Variants in SGCZ observed in about 807,000 individuals in gnomAD.
The protein encoded by SGCZ is sarcoglycan zeta, also known as zeta-sarcoglycan.
Under a neutral mutation model 41.3 loss-of-function variants are expected in SGCZ, and 40 were observed. That is an observed-to-expected ratio of 0.97 (90% CI 0.75 to 1.26). The LOEUF is 1.26. SGCZ is among the 50% of genes most tolerant of loss of function. The pLI, the probability that SGCZ is intolerant of heterozygous loss-of-function variation, is 0.00. For missense variants in SGCZ, 552 were observed against 369.8 expected (o/e 1.49, Z -4.04); for synonymous variants, 206 against 137.5 (o/e 1.50, Z -3.49).
At chr8:14,901,441 G>A (rs1009506921) in intron 1 of SGCZ, among the ~76,000 whole-genome samples, 4 of 152,118 alleles carry the variant, frequency 2.6e-5, no homozygotes, top group South Asian at 2.1e-4. Context: ...AGAATAAAAC[G>A]TAGGCGTATA....
intron 3 of SGCZ, among the ~76,000 whole-genome samples, chr8:14,263,726 G>C (rs1029662538): frequency 2.0e-5 from 3 of 152,004 alleles, no homozygotes; most frequent in African/African-American, 7.3e-5. Flanking sequence ...TAAAATACCA[G>C]GTGAGAGGTC....
intron 2 of SGCZ, among the ~76,000 whole-genome samples, chr8:14,331,453 C>T (rs531229292): frequency 6.3e-4 from 96 of 152,052 alleles, no homozygotes; most frequent in African/African-American, 1.9e-3. Context: ...AAGTTGATGG[C>T]CTGCTTTATA....
At chr8:15,105,331 G>T (rs923528822) in intron 1 of SGCZ, among the ~76,000 whole-genome samples, 13 of 152,080 alleles carry the variant, frequency 8.5e-5, no homozygotes, top group Non-Finnish European at 1.6e-4. Context: ...CCCTCACACT[G>T]CTGTAAAGAA....
chr8:14,810,656 CAA>C (rs1309874245), intron 1 of SGCZ, among the ~76,000 whole-genome samples: 2 of 151,960 alleles, frequency 1.3e-5, no homozygotes, highest in African/African-American at 4.8e-5. Flanking sequence ...CTACAATCAG[CAA>C]GAGAGAGCTA....
intron 1 of SGCZ, among the ~76,000 whole-genome samples, chr8:14,702,858 TAGATA>T (rs1474022442): frequency 1.4e-5 from 2 of 147,316 alleles, no homozygotes; most frequent in Admixed American, 6.8e-5. Context: ...GATAGATAGA[TAGATA>T]GATAGATAGA....
At chr8:14,912,698 G>C (rs1260545519) in intron 1 of SGCZ, among the ~76,000 whole-genome samples, 1 of 152,066 alleles carries the variant, frequency 6.6e-6, no homozygotes, top group Non-Finnish European at 1.5e-5. Context: ...AAATGTCAAA[G>C]ATGATGGCAT....
intron 3 of SGCZ, among the ~76,000 whole-genome samples, chr8:14,254,857 T>G (rs978942447): frequency 3.3e-5 from 5 of 152,298 alleles, no homozygotes; most frequent in African/African-American, 1.2e-4. Flanking sequence ...CTGTATTCAT[T>G]TATATTCACA....
At chr8:15,153,306 A>G (rs1332065985) in intron 1 of SGCZ, among the ~76,000 whole-genome samples, 2 of 152,222 alleles carry the variant, frequency 1.3e-5, no homozygotes, top group Non-Finnish European at 2.9e-5. Flanking sequence ...AATGCATGAT[A>G]TGCCTAACAT....
chr8:14,974,130 C>T (rs1432389133), intron 1 of SGCZ, among the ~76,000 whole-genome samples: 2 of 152,052 alleles, frequency 1.3e-5, no homozygotes, highest in African/African-American at 2.4e-5. Flanking sequence ...TTTGAAACTG[C>T]CTATAATTGT....
At chr8:14,250,474 A>G (rs944719893) in intron 3 of SGCZ, among the ~76,000 whole-genome samples, 19 of 152,150 alleles carry the variant, frequency 1.2e-4, no homozygotes, top group African/African-American at 4.6e-4. Flanking sequence ...AATCAGCAGA[A>G]TGTGGGCAGA....
intron 2 of SGCZ, among the ~76,000 whole-genome samples, chr8:14,524,604 C>G (rs1293225911): frequency 2.0e-5 from 3 of 152,040 alleles, no homozygotes. Context: ...ACAATGATAC[C>G]TTTGAATTAC....
rs193044777 is a variant in SGCZ at position 14,699,878 on chromosome 8, G to C, written c.40-144952C>G. 1.2e-3 allele frequency among the ~76,000 whole-genome samples: 176 copies of C among 152,110 alleles called. 2 individuals are homozygous for C. Among genetic ancestry groups the C allele is most frequent in the African/African-American group, 4.0e-3 (165 of 41,518 alleles). On this transcript the variant is annotated intron_variant, in intron 1 of 7. Coordinates refer to ENST00000382080, the MANE Select transcript of SGCZ (RefSeq NM_139167.4). The stretch of plus-strand genomic sequence containing the variant: ...ATGCTCAACACCACTAATCATTAGA[G>C]AAATGCAAATCAAAACTACAGTGAG...
chr8:14,106,558 C>G (rs1435085808), intron 6 of SGCZ, among the ~76,000 whole-genome samples: 4 of 152,128 alleles, frequency 2.6e-5, no homozygotes, highest in Non-Finnish European at 5.9e-5. Context: ...AGGACTCTGA[C>G]TAAAAAATTT....
chr8:14,602,107 G>GA (rs761568481), intron 1 of SGCZ, among the ~76,000 whole-genome samples: 1 of 151,972 alleles, frequency 6.6e-6, no homozygotes, highest in Non-Finnish European at 1.5e-5. Flanking sequence ...GCGACAGAGC[G>GA]AGTCTCCGTC....
intron 2 of SGCZ, among the ~76,000 whole-genome samples, chr8:14,456,195 G>T (rs2116938530): frequency 6.6e-6 from 1 of 152,238 alleles, no homozygotes; most frequent in East Asian, 1.9e-4. Flanking sequence ...AATCACCTGA[G>T]GTCAGGAGTT....
intron 1 of SGCZ, among the ~76,000 whole-genome samples, chr8:14,767,813 C>T (rs1476357807): frequency 6.6e-6 from 1 of 152,192 alleles, no homozygotes; most frequent in African/African-American, 2.4e-5. Context: ...CCACTAAAGA[C>T]TTCTTAAGGG....
intron 2 of SGCZ, among the ~76,000 whole-genome samples, chr8:14,372,832 G>A (rs111869330): frequency 0.02 from 3,037 of 152,172 alleles, 83 homozygotes; most frequent in African/African-American, 0.056. Context: ...GACCCGTGAG[G>A]TGATGAGACG....
At chr8:15,022,898 C>G (rs139865081) in intron 1 of SGCZ, among the ~76,000 whole-genome samples, 1 of 152,152 alleles carries the variant, frequency 6.6e-6, no homozygotes, top group African/African-American at 2.4e-5. Flanking sequence ...GTTTAAGTAA[C>G]GTACGTTTCA....
chr8:14,792,137 G>A (rs944844057), intron 1 of SGCZ, among the ~76,000 whole-genome samples: 2 of 152,106 alleles, frequency 1.3e-5, no homozygotes, highest in African/African-American at 4.8e-5. Context: ...TAGCAACAAT[G>A]CATAGAAAGG....
Sources: allele counts gnomAD v4.1 joint callset (sites outside exome capture counted in the v4.1 genomes callset), GRCh38; gene constraint gnomAD v4.1.1; transcripts MANE v1.5; gene names NCBI Gene and HGNC (gene_info 2026-07-23, HGNC 2026-07-21).